Variants in ECE1 observed in about 807,000 individuals in gnomAD.
ECE1 encodes endothelin converting enzyme 1, also known as endothelin-converting enzyme 1.
A neutral mutation model predicts 98.6 loss-of-function variants in ECE1; 35 were observed. The observed-to-expected ratio is 0.35, with a 90% CI of 0.27 to 0.47. The LOEUF is 0.47. Ranked by LOEUF, ECE1 falls within the 20% of genes least tolerant of loss-of-function variation. The pLI is 1.00. For missense variants in ECE1, 814 were observed against 1,025.3 expected (o/e 0.79, Z 2.81); for synonymous variants, 394 against 407.1 (o/e 0.97, Z 0.39).
intron 4 of ECE1, 126 bp downstream of exon 4, chr1:21,272,573 T>G: frequency 7.8e-6 from 9 of 1,159,318 alleles, no homozygotes; most frequent in South Asian, 1.3e-5. Context: ...ATTACAGGTG[T>G]GAGCCACCGT....
At chr1:21,294,994 G>A (rs1200875791), upstream of ECE1, among the ~76,000 whole-genome samples, 1 of 152,132 alleles carries the variant, frequency 6.6e-6, no homozygotes, top group Non-Finnish European at 1.5e-5. The surrounding 1 kb of genome is among the most constrained non-coding windows in gnomAD (Gnocchi z 4.2). Flanking sequence ...CATATTATCT[G>A]GTAGCTAAAC....
chr1:21,340,432 T>A lies in ECE1; in HGVS notation c.3+4944A>T, dbSNP rs1371785788. Among the ~76,000 whole-genome samples, 1 of 152,242 alleles carries A rather than the reference T, an allele frequency of 6.6e-6. No homozygotes were observed. Among genetic ancestry groups the A allele is most frequent in the Non-Finnish European group, 1.5e-5 (1 of 68,038 alleles). ...ACCTTTCTCCCAGGGCCACTTCAGG[T>A]GCCTCCTCACTGGTTTCCCAGCCTT... On this transcript the variant is annotated intron_variant, in intron 1 of 18. Coordinates refer to the ECE1 transcript ENST00000415912. The surrounding 1 kb of genome is among the most constrained non-coding windows in gnomAD (Gnocchi z 4.6).
intron 1 of ECE1, among the ~76,000 whole-genome samples, chr1:21,304,787 A>C (rs1558424459): frequency 6.6e-6 from 1 of 152,176 alleles, no homozygotes; most frequent in Non-Finnish European, 1.5e-5. Flanking sequence ...TGTGCATTTC[A>C]CTGTAATGGA....
rs765136489 is a variant in ECE1, at chr1:21,258,709, T to C, written c.746A>G (p.Asn249Ser). ...CTAGCTCACCTGGATCACGTTGCTG[T>C]TGGAGTTCTTGGAATCGGCACTGAC... Reference protein sequence around the residue: ...VYVSADSKNSNSNVIQVDQSG... With the variant: ...VYVSADSKNSSSNVIQVDQSG... Residue 249 changes from asparagine (N) to serine (S), a missense_variant, in exon 6 of 19, where the codon AAC becomes AGC. Asn to Ser is a conservative substitution (Grantham distance 46, BLOSUM62 1). Coordinates refer to ENST00000374893, the MANE Select transcript of ECE1 (RefSeq NM_001397.3). The surrounding 1 kb of genome is among the most constrained non-coding windows in gnomAD (Gnocchi z 4.2). The C allele has an allele frequency of 6.2e-7, 1 of 1,613,302 alleles. No individual in the cohort carries two copies. Among genetic ancestry groups the C allele is most frequent in the African/African-American group, 1.3e-5 (1 of 74,872 alleles).
intron 14 of ECE1, among the ~76,000 whole-genome samples, chr1:21,230,914 T>C (rs113653429): frequency 0.022 from 3,385 of 152,258 alleles, 46 homozygotes; most frequent in Non-Finnish European, 0.026. Flanking sequence ...CCGCAACGTC[T>C]GCTTCCCGGG....
chr1:21,285,784 G>C (rs1249657401), intron 2 of ECE1, among the ~76,000 whole-genome samples: 1 of 152,006 alleles, frequency 6.6e-6, no homozygotes, highest in Non-Finnish European at 1.5e-5. Context: ...CTGAGGTCGG[G>C]AGTTTGAGGC....
chr1:21,218,714 GT>G lies in ECE1; in HGVS notation c.*1240del. ...AGATTCTCTTGCCTCAGCCTCCCGA[GT>G]AACTGGGATTACAGGTGCCCACCAC... On this transcript the variant is annotated 3_prime_UTR_variant, in exon 19 of 19. Transcript: ENST00000374893. This position sits in a 1 kb window ranked among gnomAD's most constrained non-coding sequence, Gnocchi z 4.0. The G allele has an allele frequency of 6.6e-6, 1 of 152,266 alleles. No individual in the cohort carries two copies. Among genetic ancestry groups the G allele is most frequent in the Non-Finnish European group, 1.5e-5 (1 of 68,058 alleles). The allele number at this position is 152,266 out of a possible 1,614,324, so 9.4% of individuals were successfully genotyped here. A position where few individuals can be genotyped will look rare whatever the true frequency, so the allele number is the denominator to read the frequency against.
chr1:21,227,902 T>C lies in ECE1; in HGVS notation c.1781+29A>G, dbSNP rs201091823. 34 of 1,533,772 alleles carry C rather than the reference T, an allele frequency of 2.2e-5. No homozygotes were observed. In the East Asian group the frequency reaches 6.4e-4, roughly 29 times the overall value. On this transcript the variant is annotated intron_variant, in intron 15 of 18. Coordinates refer to ENST00000374893, the MANE Select transcript of ECE1 (RefSeq NM_001397.3). ...CCAGGGCTGGGCTGGGGGAAAAGAA[T>C]TGGGGTAGGGGCCCCAGAGGCAGCC...
Position 21,227,211 on chromosome 1 carries a change from A to C in ECE1, c.1797T>G (p.Gly599=). 1 of 1,614,138 alleles carries C rather than the reference A, an allele frequency of 6.2e-7. No individual in the cohort carries two copies. The highest frequency in any genetic ancestry group is 8.5e-7 in the Non-Finnish European group (1 of 1,179,970). ...TRSSPKALNF[G]GIGVVVGHEL... ...CATGGCCCACGACGACACCTATGCC[A>C]CCAAAGTTTAAGGCCCTGGAGGGAA... The change falls in exon 16 of 19, where the codon GGT becomes GGG. Residue 599 remains glycine (G), a synonymous_variant. Coordinates refer to ENST00000374893, the MANE Select transcript of ECE1 (RefSeq NM_001397.3).
intron 2 of ECE1, among the ~76,000 whole-genome samples, chr1:21,283,744 C>A (rs1051281041): frequency 6.6e-6 from 1 of 152,190 alleles, no homozygotes; most frequent in African/African-American, 2.4e-5. Flanking sequence ...CTGTTTGATG[C>A]AAAGTGCTGA....
chr1:21,230,156 T>A (rs2098179892), intron 14 of ECE1, among the ~76,000 whole-genome samples: 1 of 151,846 alleles, frequency 6.6e-6, no homozygotes, highest in African/African-American at 2.4e-5. Context: ...GAGCTGAGAT[T>A]ATGCCACTGC....
In ECE1 at chr1:21,258,252, T is replaced by A. The variant is rs1264243759; in HGVS notation, c.762+441A>T. ...AACTCAGCTTTTAGGACCCCCAGCC[T>A]GGGTTTCTCACTTCTGCATTGGAGG... is the stretch of plus-strand genomic sequence containing the variant. On this transcript the variant is annotated intron_variant, in intron 6 of 18. Coordinates refer to ENST00000374893, the MANE Select transcript of ECE1 (RefSeq NM_001397.3). This position sits in a 1 kb window ranked among gnomAD's most constrained non-coding sequence, Gnocchi z 4.2. Among the ~76,000 whole-genome samples, 2 of 152,242 alleles carry A rather than the reference T, an allele frequency of 1.3e-5. No individual in the cohort carries two copies. The highest frequency in any genetic ancestry group is 2.9e-5 in the Non-Finnish European group (2 of 68,048).
In ECE1 at chr1:21,345,097, C is replaced by A. The variant is rs1639472212; in HGVS notation, c.3+279G>T. On this transcript the variant is annotated intron_variant, in intron 1 of 18. Transcript: ENST00000415912. The surrounding 1 kb of genome is among the most constrained non-coding windows in gnomAD (Gnocchi z 5.1). ...CAGACCGCAGCAACCGTCCCCAAAG[C>A]GAACCGGGGACCCCGAGCCCCCCAC... The A allele has an allele frequency of 1.3e-5, 3 of 238,712 alleles. No homozygotes were observed. The highest frequency in any genetic ancestry group is 2.3e-5 in the Non-Finnish European group (3 of 128,360). 14.8% of individuals were successfully genotyped at this position (238,712 alleles called of 1,614,324 possible). A position where few individuals can be genotyped will look rare whatever the true frequency, so the allele number is the denominator to read the frequency against.
intron 1 of ECE1, among the ~76,000 whole-genome samples, chr1:21,317,072 G>C (rs761520582): frequency 2.6e-5 from 4 of 152,004 alleles, no homozygotes; most frequent in Non-Finnish European, 5.9e-5. Flanking sequence ...GGGTGTGGGG[G>C]TATGGGGGAT....
At position 21,248,508 on chromosome 1, in the gene ECE1, C is replaced by T. The variant is rs559684571; in HGVS notation, c.1021-1145G>A. On this transcript the variant is annotated intron_variant, in intron 8 of 18. Transcript: ENST00000374893. ...CTATTTTAAGATGACTGAAAATGAGCGCTCGCGCCTGGGGCTTCCTCTCCT... is the reference window on the plus strand; with the variant it reads ...CTATTTTAAGATGACTGAAAATGAGTGCTCGCGCCTGGGGCTTCCTCTCCT... Among the ~76,000 whole-genome samples the T allele has an allele frequency of 7.9e-4, 120 of 152,072 alleles. 1 individual carries two copies. In the South Asian group the frequency reaches 0.011, roughly 14 times the overall value.
intron 1 of ECE1, among the ~76,000 whole-genome samples, chr1:21,333,392 T>C (rs1196034883): frequency 6.6e-6 from 1 of 151,884 alleles, no homozygotes; most frequent in Non-Finnish European, 1.5e-5. Flanking sequence ...GTCTCTCAAA[T>C]ATAGTGGGGA....
intron 4 of ECE1, among the ~76,000 whole-genome samples, chr1:21,265,721 C>T (rs573623626): frequency 8.5e-5 from 13 of 152,244 alleles, no homozygotes; most frequent in African/African-American, 3.1e-4. Flanking sequence ...GGCTGTCACT[C>T]TGAGTTCAGC....
intron 4 of ECE1, among the ~76,000 whole-genome samples, chr1:21,261,185 C>A (rs915580105): frequency 6.6e-6 from 1 of 152,220 alleles, no homozygotes; most frequent in South Asian, 2.1e-4. Context: ...CCAGGCCATG[C>A]CAGATACTCT....
intron 14 of ECE1, among the ~76,000 whole-genome samples, chr1:21,230,899 A>G (rs2098180908): frequency 6.6e-6 from 1 of 151,774 alleles, no homozygotes; most frequent in African/African-American, 2.4e-5. Context: ...ACCATCTTGG[A>G]TCACCCGCAA....
Sources: allele counts gnomAD v4.1 joint callset (sites outside exome capture counted in the v4.1 genomes callset), GRCh38; gene constraint gnomAD v4.1.1; non-coding constraint Gnocchi (gnomAD v3.1); transcripts MANE v1.5; gene names NCBI Gene and HGNC (gene_info 2026-07-23, HGNC 2026-07-21).